The following RBFOX1 variants were observed in gnomAD, a reference collection of about 807,000 sequenced individuals.
RBFOX1 encodes the protein RNA binding protein fox-1 homolog 1.
In RBFOX1, 8 loss-of-function variants were observed where a neutral mutation model predicts 57.7. The observed-to-expected ratio is 0.14, with a 90% confidence interval of 0.08 to 0.25. The LOEUF (loss-of-function observed/expected upper bound fraction) is 0.25. Among genes scored for constraint, RBFOX1 ranks in the 10% least tolerant of loss-of-function variants. RBFOX1 has a pLI of 1.00. For missense variants in RBFOX1, 611 were observed against 548.5 expected (o/e 1.11, Z -1.14); for synonymous variants, 326 against 222.4 (o/e 1.47, Z -4.15).
intron 3 of RBFOX1, among the ~76,000 whole-genome samples, chr16:6,687,727 G>A (rs76048741): frequency 0.012 from 1,756 of 152,236 alleles, 43 homozygotes; most frequent in African/African-American, 0.04. Context: ...GGAGGACAGA[G>A]GATGGAAGGC....
At chr16:6,723,222 C>T (rs2066399661) in intron 3 of RBFOX1, among the ~76,000 whole-genome samples, 1 of 152,166 alleles carries the variant, frequency 6.6e-6, no homozygotes. Context: ...TACATTGTGG[C>T]TTTCCCACTA....
At chr16:7,510,210 C>G in intron 4 of RBFOX1, 1 of 985,894 alleles carries the variant, frequency 1.0e-6, no homozygotes, top group Non-Finnish European at 1.2e-6. Context: ...GCGCGCACAC[C>G]CTCGCTCGTA....
At chr16:5,968,430 ATGT>A (rs1448475697) in intron 4 of RBFOX1, among the ~76,000 whole-genome samples, 1 of 152,084 alleles carries the variant, frequency 6.6e-6, no homozygotes, top group Non-Finnish European at 1.5e-5. Context: ...GAGTTACTGC[ATGT>A]TGTTTACAGT....
intron 3 of RBFOX1, among the ~76,000 whole-genome samples, chr16:6,684,117 C>T (rs1323058707): frequency 2.6e-5 from 4 of 152,150 alleles, no homozygotes; most frequent in Non-Finnish European, 4.4e-5. Flanking sequence ...GCAGAATTTC[C>T]TGATGGTTTT....
At chr16:6,789,966 G>A (rs139241045) in intron 3 of RBFOX1, among the ~76,000 whole-genome samples, 5 of 151,126 alleles carry the variant, frequency 3.3e-5, no homozygotes, top group African/African-American at 7.3e-5. Context: ...CTGGTCTTCC[G>A]TAACTTACTG....
At position 6,904,599 on chromosome 16, in the gene RBFOX1, TAA is replaced by T. The variant is rs71147623; in HGVS notation, c.-15-147430_-15-147429del. Among the ~76,000 whole-genome samples the T allele has an allele frequency of 1.5e-3, 98 of 64,018 alleles. 1 individual carries two copies. Among genetic ancestry groups the T allele is most frequent in the South Asian group, 5.2e-3 (7 of 1,354 alleles). The allele number at this position is 64,018 out of a possible 152,430, so 42.0% of individuals were successfully genotyped here. A position where few individuals can be genotyped will look rare whatever the true frequency, so the allele number is the denominator to read the frequency against. ...CTGGGTGACAGAGTGAGACTCTCTC[TAA>T]AAAAAAAAAAAAAAAAAAAAAAAAA... is the stretch of plus-strand genomic sequence containing the variant. On this transcript the variant is annotated intron_variant, in intron 3 of 15. Transcript: ENST00000550418.
chr16:6,755,269 A>G (rs1051028941), intron 3 of RBFOX1, among the ~76,000 whole-genome samples: 5 of 152,150 alleles, frequency 3.3e-5, no homozygotes, highest in African/African-American at 1.2e-4. Context: ...ATCCCTGAGT[A>G]ATCGCCACAC....
At chr16:7,466,303 A>G (rs1408711158) in intron 4 of RBFOX1, among the ~76,000 whole-genome samples, 2 of 150,540 alleles carry the variant, frequency 1.3e-5, no homozygotes, top group African/African-American at 2.4e-5. Flanking sequence ...GACCTATACT[A>G]TTTAATAGAG....
At chr16:7,694,905 C>T (rs1207344900) in intron 14 of RBFOX1, among the ~76,000 whole-genome samples, 3 of 152,182 alleles carry the variant, frequency 2.0e-5, no homozygotes, top group South Asian at 2.1e-4. Flanking sequence ...CTGTTAACCC[C>T]TGTGCATGTT....
At chr16:7,407,904 T>C (rs1299439236) in intron 4 of RBFOX1, among the ~76,000 whole-genome samples, 1 of 152,204 alleles carries the variant, frequency 6.6e-6, no homozygotes, top group Non-Finnish European at 1.5e-5. Flanking sequence ...AACACAGCCA[T>C]GCCCATTTGT....
At chr16:7,479,860 A>G (rs2063523100) in intron 4 of RBFOX1, among the ~76,000 whole-genome samples, 1 of 152,222 alleles carries the variant, frequency 6.6e-6, no homozygotes, top group South Asian at 2.1e-4. Context: ...ATTTGTTTTA[A>G]TAATAGACAT....
chr16:7,234,510 G>T (rs1484074984), intron 4 of RBFOX1, among the ~76,000 whole-genome samples: 2 of 151,854 alleles, frequency 1.3e-5, no homozygotes, highest in Non-Finnish European at 2.9e-5. Context: ...CTTCTACCAG[G>T]AATATAAGCA....
At chr16:5,893,500 A>G (rs1381403970) in intron 4 of RBFOX1, among the ~76,000 whole-genome samples, 1 of 152,166 alleles carries the variant, frequency 6.6e-6, no homozygotes, top group Admixed American at 6.5e-5. Flanking sequence ...TACGCATCGC[A>G]TACCTGTGTC....
At chr16:6,614,931 T>C (rs973860282) in intron 2 of RBFOX1, among the ~76,000 whole-genome samples, 4 of 152,222 alleles carry the variant, frequency 2.6e-5, no homozygotes, top group South Asian at 2.1e-4. Context: ...CCGTATCTTT[T>C]TGTTGCTAAC....
At chr16:6,520,569 AC>A (rs2096479132) in intron 2 of RBFOX1, among the ~76,000 whole-genome samples, 1 of 152,158 alleles carries the variant, frequency 6.6e-6, no homozygotes, top group Non-Finnish European at 1.5e-5. Flanking sequence ...ATTGGTTCTA[AC>A]TTGTGAAAAA....
chr16:6,844,458 G>A (rs1170563905), intron 3 of RBFOX1, among the ~76,000 whole-genome samples: 1 of 152,110 alleles, frequency 6.6e-6, no homozygotes, highest in Admixed American at 6.6e-5. Context: ...TTGGTTTTCT[G>A]TTCCTGCGTT....
intron 1 of RBFOX1, among the ~76,000 whole-genome samples, chr16:6,043,490 G>A (rs1333669792): frequency 1.3e-5 from 2 of 152,224 alleles, no homozygotes; most frequent in Non-Finnish European, 2.9e-5. Flanking sequence ...TTCCCAAAGA[G>A]TCTGTTTTGT....
chr16:7,383,288 A>T (rs1269226715), intron 4 of RBFOX1, among the ~76,000 whole-genome samples: 1 of 152,038 alleles, frequency 6.6e-6, no homozygotes, highest in Non-Finnish European at 1.5e-5. Flanking sequence ...AAAACGTAAA[A>T]TGCAACAACA....
intron 4 of RBFOX1, chr16:7,422,727 C>T (rs2098554321): frequency 6.6e-6 from 1 of 151,366 alleles, no homozygotes; most frequent in South Asian, 2.1e-4. Context: ...AGTGTGCAAA[C>T]CCCTCCCCTC....
Sources: allele counts gnomAD v4.1 joint callset (sites outside exome capture counted in the v4.1 genomes callset), GRCh38; gene constraint gnomAD v4.1.1; transcripts MANE v1.5; gene names NCBI Gene and HGNC (gene_info 2026-07-23, HGNC 2026-07-21).